The following FAM20A variants were observed in gnomAD, a reference collection of about 807,000 sequenced individuals.
The protein encoded by FAM20A is FAM20A golgi associated secretory pathway pseudokinase.
In FAM20A, 42 loss-of-function variants were observed where a neutral mutation model predicts 52.0. The observed-to-expected ratio is 0.81, with a 90% CI of 0.63 to 1.04. FAM20A has a LOEUF of 1.04. Ranked by LOEUF, FAM20A falls within the 50% of genes least tolerant of loss-of-function variation. FAM20A has a pLI of 0.00. For synonymous variants in FAM20A, 304 were observed against 298.9 expected (o/e 1.02, Z -0.18); for missense variants, 742 against 712.7 (o/e 1.04, Z -0.47).
At position 68,591,093 on chromosome 17, in the gene FAM20A, CTGTTTTGTTT is replaced by C. The variant is rs71144608; in HGVS notation, c.404+9160_404+9169del. On this transcript the variant is annotated intron_variant, in intron 1 of 10. Coordinates refer to ENST00000592554, the MANE Select transcript of FAM20A (RefSeq NM_017565.4). ...GACAAAGACACAGAGTCCAAGGACT[CTGTTTTGTTT>C]TGTTTTGTTTTGTTTTGTTTTGAGA... Among the ~76,000 whole-genome samples, 79 of 149,950 alleles carry C rather than the reference CTGTTTTGTTT, an allele frequency of 5.3e-4. No homozygotes were observed. The East Asian group carries it at 5.9e-3, about 11-fold the overall frequency.
intron 7 of FAM20A, chr17:68,541,380 T>C (rs186083837): frequency 3.6e-5 from 8 of 225,246 alleles, no homozygotes; most frequent in Admixed American, 2.1e-4. Flanking sequence ...AATGCTCCGA[T>C]GCCCATTTTC....
At chr17:68,547,339 G>A (rs1239607540) in intron 4 of FAM20A, among the ~76,000 whole-genome samples, 1 of 152,164 alleles carries the variant, frequency 6.6e-6, no homozygotes, top group East Asian at 1.9e-4. Flanking sequence ...TGTTACATAT[G>A]TATACATGTG....
rs147636224 is a variant in FAM20A, at chr17:68,539,383, A to C, written c.1315T>G (p.Ser439Ala). ...LDNARGFGRH[S>A]HDEISILSPL... ...GAGAGGATGGAGATTTCATCATGGG[A>C]GTGTCGTCCGAACCTAGGAGGAGAA... The change falls in exon 10 of 11, where the codon TCC becomes GCC. Residue 439 changes from serine to alanine, a missense_variant. Coordinates refer to ENST00000592554, the MANE Select transcript of FAM20A (RefSeq NM_017565.4). 9 of 1,614,070 alleles carry C rather than the reference A, an allele frequency of 5.6e-6. No individual in the cohort carries two copies. The African/African-American group carries it at 8.0e-5, about 14-fold the overall frequency.
chr17:68,542,829 G>T lies in FAM20A; in HGVS notation c.813-20C>A, dbSNP rs201900897. 15 of 1,573,712 alleles carry T rather than the reference G, an allele frequency of 9.5e-6. No homozygotes were observed. The South Asian group carries it at 1.4e-4, about 15-fold the overall frequency. On this transcript the variant is annotated intron_variant, in intron 5 of 10. Coordinates refer to ENST00000592554, the MANE Select transcript of FAM20A (RefSeq NM_017565.4). ...AGAATCCTGCAAGAGAGGAAGCTCT[G>T]TTCCATCTGAGGGATGATCAGGGAG... is the stretch of plus-strand genomic sequence containing the variant.
chr17:68,572,425 T>C (rs1264749690), intron 1 of FAM20A, among the ~76,000 whole-genome samples: 1 of 152,182 alleles, frequency 6.6e-6, no homozygotes, highest in Non-Finnish European at 1.5e-5. Flanking sequence ...CCTTATCCAA[T>C]GGACTTTCTT....
At chr17:68,596,379 G>A (rs1170916104) in intron 1 of FAM20A, among the ~76,000 whole-genome samples, 1 of 152,210 alleles carries the variant, frequency 6.6e-6, no homozygotes, top group Non-Finnish European at 1.5e-5. Context: ...TGCCTGTCGA[G>A]ACCAGAGGGT....
chr17:68,597,792 C>T (rs1196490865), intron 1 of FAM20A, among the ~76,000 whole-genome samples: 2 of 152,096 alleles, frequency 1.3e-5, no homozygotes, highest in Admixed American at 6.5e-5. Flanking sequence ...TTGTTTCTTC[C>T]TCTGCTGTCC....
At chr17:68,550,505 C>T (rs371707152) in intron 4 of FAM20A, among the ~76,000 whole-genome samples, 21 of 151,002 alleles carry the variant, frequency 1.4e-4, no homozygotes, top group Non-Finnish European at 2.7e-4. Flanking sequence ...CTCAGCCTCT[C>T]GAGTAGCTGG....
chr17:68,583,840 C>T (rs1034509159), intron 1 of FAM20A, among the ~76,000 whole-genome samples: 3 of 151,356 alleles, frequency 2.0e-5, no homozygotes, highest in South Asian at 2.1e-4. Context: ...AGGTGGAGAT[C>T]GTGCCACCGC....
At chr17:68,558,349 G>T in intron 1 of FAM20A, 1 of 444,792 alleles carries the variant, frequency 2.2e-6, no homozygotes, top group South Asian at 1.6e-5. Context: ...TGGTTTGGAT[G>T]TTTGTCCCCT....
chr17:68,536,238 A>T lies in FAM20A; in HGVS notation c.*1239T>A, dbSNP rs745994068. 6.6e-6 allele frequency: 3 copies of T among 454,138 alleles called. No homozygotes were observed. Among genetic ancestry groups the T allele is most frequent in the Non-Finnish European group, 8.8e-6 (2 of 226,798 alleles). 28.1% of individuals were successfully genotyped at this position (454,138 alleles called of 1,614,324 possible). ...CTCTCTTTAGTGACAGCTCCATTCT[A>T]TTCTCATGCTTACAGTATTTGAACT... On this transcript the variant is annotated 3_prime_UTR_variant, in exon 11 of 11. Coordinates refer to ENST00000592554, the MANE Select transcript of FAM20A (RefSeq NM_017565.4).
intron 4 of FAM20A, among the ~76,000 whole-genome samples, chr17:68,547,950 A>G (rs2086644830): frequency 6.6e-6 from 1 of 152,162 alleles, no homozygotes; most frequent in Non-Finnish European, 1.5e-5. Context: ...ATTTAAAGTG[A>G]GAGATATGAC....
chr17:68,567,004 G>C (rs1261156268), intron 1 of FAM20A, among the ~76,000 whole-genome samples: 1 of 152,112 alleles, frequency 6.6e-6, no homozygotes, highest in African/African-American at 2.4e-5. Flanking sequence ...TTCTGTTCTG[G>C]CTTTTTTCTT....
At chr17:68,544,079 A>C (rs746409659) in intron 4 of FAM20A, among the ~76,000 whole-genome samples, 1 of 152,222 alleles carries the variant, frequency 6.6e-6, no homozygotes, top group Non-Finnish European at 1.5e-5. Flanking sequence ...AATGGTTAGC[A>C]GAACCAGAGG....
intron 1 of FAM20A, among the ~76,000 whole-genome samples, chr17:68,557,002 C>T (rs2087071074): frequency 6.6e-6 from 1 of 151,856 alleles, no homozygotes; most frequent in Admixed American, 6.6e-5. Flanking sequence ...AGTTTGAGAC[C>T]ATCCTGGACA....
In FAM20A at chr17:68,536,863, C is replaced by G. The variant is rs1236355930; in HGVS notation, c.*614G>C. ...TTTCTGATATTCTTAGCAAATCCCT[C>G]TTTTATTTTTGCCACTTGTTATAAT... On this transcript the variant is annotated 3_prime_UTR_variant, in exon 11 of 11. Coordinates refer to ENST00000592554, the MANE Select transcript of FAM20A (RefSeq NM_017565.4). 2.2e-5 allele frequency: 10 copies of G among 453,984 alleles called. No homozygotes were observed. The highest frequency in any genetic ancestry group is 4.4e-5 in the Non-Finnish European group (10 of 226,800). The allele number at this position is 453,984 out of a possible 1,614,324, so 28.1% of individuals were successfully genotyped here.
chr17:68,572,143 G>A (rs1281861150), intron 1 of FAM20A, among the ~76,000 whole-genome samples: 6 of 150,226 alleles, frequency 4.0e-5, no homozygotes, highest in Non-Finnish European at 5.9e-5. Context: ...GCTGGTCTTG[G>A]ACTCCTGGGC....
chr17:68,581,767 G>T (rs948536687), intron 1 of FAM20A, among the ~76,000 whole-genome samples: 1 of 151,646 alleles, frequency 6.6e-6, no homozygotes, highest in Non-Finnish European at 1.5e-5. Context: ...GTAGAGACAG[G>T]GTTTCACCAT....
At chr17:68,590,822 TTCTAATGAC>T (rs2088283813) in intron 1 of FAM20A, among the ~76,000 whole-genome samples, 1 of 152,180 alleles carries the variant, frequency 6.6e-6, no homozygotes, top group Non-Finnish European at 1.5e-5. Flanking sequence ...AGCCACGTGC[TTCTAATGAC>T]TCCGCCTCCC....
Sources: allele counts gnomAD v4.1 joint callset (sites outside exome capture counted in the v4.1 genomes callset), GRCh38; gene constraint gnomAD v4.1.1; transcripts MANE v1.5; gene names NCBI Gene and HGNC (gene_info 2026-07-23, HGNC 2026-07-21).